The following SLC2A14 variants were observed in gnomAD, a reference collection of about 807,000 sequenced individuals.
The protein encoded by SLC2A14 is solute carrier family 2 member 14.
In SLC2A14, 13 loss-of-function variants were observed where a neutral mutation model predicts 43.0. The observed-to-expected ratio is 0.30, with a 90% CI of 0.20 to 0.48. The LOEUF (loss-of-function observed/expected upper bound fraction) is 0.48, where lower values mean the gene tolerates loss of function less well. SLC2A14 is among the 20% of genes least tolerant of loss of function. The pLI is 0.99. For synonymous variants in SLC2A14, 190 were observed against 233.8 expected (o/e 0.81, Z 1.71); for missense variants, 428 against 620.4 (o/e 0.69, Z 3.29).
At chr12:7,840,525 A>G (rs1349271274) in intron 2 of SLC2A14, among the ~76,000 whole-genome samples, 3 of 150,886 alleles carry the variant, frequency 2.0e-5, no homozygotes, top group African/African-American at 4.9e-5. Context: ...GACTACAGGC[A>G]CCCGCCACCA....
At chr12:7,867,201 C>T (rs1032822546) in intron 2 of SLC2A14, among the ~76,000 whole-genome samples, 1 of 144,360 alleles carries the variant, frequency 6.9e-6, no homozygotes, top group African/African-American at 2.6e-5. Flanking sequence ...ATGGCTTGAA[C>T]CCAGGAGGCG....
At chr12:7,874,161 C>T (rs1205735260), upstream of SLC2A14, among the ~76,000 whole-genome samples, 1 of 152,014 alleles carries the variant, frequency 6.6e-6, no homozygotes, top group Non-Finnish European at 1.5e-5. Flanking sequence ...GAAGTGAATG[C>T]CAAACCTGGG....
intron 2 of SLC2A14, among the ~76,000 whole-genome samples, chr12:7,837,638 C>CCAAAAAAAAAA (rs1415686871): frequency 1.9e-5 from 1 of 52,892 alleles, no homozygotes; most frequent in African/African-American, 8.8e-5. Context: ...AACTTCGTCT[C>CCAAAAAAAAAA]AAAAAAAAAA....
intron 6 of SLC2A14, 69 bp downstream of exon 6, chr12:7,828,635 C>T (rs1864710813): frequency 6.7e-7 from 1 of 1,496,868 alleles, no homozygotes; most frequent in South Asian, 1.2e-5. Context: ...GAAAATAGAT[C>T]CAGTACCCTC....
At chr12:7,844,661 C>T (rs1321225267) in intron 2 of SLC2A14, among the ~76,000 whole-genome samples, 3 of 151,802 alleles carry the variant, frequency 2.0e-5, no homozygotes, top group South Asian at 4.1e-4. Context: ...CTCAGCCTCC[C>T]GAGTAGCTGG....
Position 7,814,197 on chromosome 12 carries a change from A to G in SLC2A14, c.*119T>C. 6.6e-7 allele frequency: 1 copy of G among 1,504,222 alleles called. No homozygotes were observed. Among genetic ancestry groups the G allele is most frequent in the Non-Finnish European group, 9.0e-7 (1 of 1,116,650 alleles). The allele number at this position is 1,504,222 out of a possible 1,614,324, so 93.2% of individuals were successfully genotyped here. Reference sequence around the variant, plus strand: ...GGGTGCTCATGGAGTGCGTGGGATGAGAAAGAAATCAAGTAGCAGCATTCA... The same window carrying G: ...GGGTGCTCATGGAGTGCGTGGGATGGGAAAGAAATCAAGTAGCAGCATTCA... On this transcript the variant is annotated 3_prime_UTR_variant, in exon 11 of 11. Transcript: ENST00000431042.
At chr12:7,848,628 T>C (rs1156326588) in intron 2 of SLC2A14, among the ~76,000 whole-genome samples, 1 of 151,550 alleles carries the variant, frequency 6.6e-6, no homozygotes, top group Non-Finnish European at 1.5e-5. Flanking sequence ...CAGTCTCAGC[T>C]CACCGCAACC....
In SLC2A14 at chr12:7,831,562, A is replaced by T. The variant is rs1224335850; in HGVS notation, c.272+42T>A. On this transcript the variant is annotated intron_variant, in intron 4 of 10. Transcript: ENST00000431042. ...AACTCTCCACACTTGTCCCCAATGCATCTGGTAGAGCCCACTTCCTTGCCC... is the reference window on the plus strand; with the variant it reads ...AACTCTCCACACTTGTCCCCAATGCTTCTGGTAGAGCCCACTTCCTTGCCC... The T allele has an allele frequency of 2.5e-6, 4 of 1,611,412 alleles. No homozygotes were observed. The East Asian group carries it at 8.9e-5, about 36-fold the overall frequency.
At chr12:7,868,212 G>T (rs1022351164) in intron 2 of SLC2A14, among the ~76,000 whole-genome samples, 8 of 152,164 alleles carry the variant, frequency 5.3e-5, no homozygotes, top group Admixed American at 1.3e-4. Context: ...GAGGCAAAAA[G>T]ATTATGACAT....
chr12:7,822,481 C>T (rs906804601), intron 7 of SLC2A14, among the ~76,000 whole-genome samples: 11 of 151,526 alleles, frequency 7.3e-5, no homozygotes, highest in Non-Finnish European at 1.2e-4. Context: ...TCCTGGCTAA[C>T]GTGGTGAAAC....
chr12:7,849,190 G>A (rs1866717508), intron 2 of SLC2A14, among the ~76,000 whole-genome samples: 1 of 152,060 alleles, frequency 6.6e-6, no homozygotes, highest in Admixed American at 6.6e-5. Context: ...CAATCTTCGG[G>A]CAAGATAACA....
chr12:7,863,170 G>A (rs762509178), intron 2 of SLC2A14, among the ~76,000 whole-genome samples: 35 of 152,124 alleles, frequency 2.3e-4, no homozygotes, highest in African/African-American at 7.7e-4. Flanking sequence ...TGAGCCCAGC[G>A]AGACTACGAG....
At position 7,869,928 on chromosome 12, in the gene SLC2A14, G is replaced by A. The variant is rs1443467592; in HGVS notation, c.-48C>T. 8.5e-6 allele frequency: 13 copies of A among 1,523,472 alleles called. No homozygotes were observed. The highest frequency in any genetic ancestry group is 3.6e-5 in the South Asian group (3 of 83,008). 94.4% of individuals were successfully genotyped at this position (1,523,472 alleles called of 1,614,324 possible). On this transcript the variant is annotated 5_prime_UTR_variant, in exon 2 of 11. Transcript: ENST00000431042. ...ACTCCCTCTCCAATTTCTCTTCAAG[G>A]TACTGCTTCCTGTAAATTGTAATTG...
chr12:7,881,145 C>G (rs1000394370), intron 1 of SLC2A14, among the ~76,000 whole-genome samples: 5 of 152,136 alleles, frequency 3.3e-5, no homozygotes, highest in Non-Finnish European at 7.4e-5. Flanking sequence ...CGCTCGCTCT[C>G]GGCACTTCCT....
chr12:7,882,472 A>C (rs938608541), intron 1 of SLC2A14, among the ~76,000 whole-genome samples: 1 of 152,102 alleles, frequency 6.6e-6, no homozygotes, highest in East Asian at 1.9e-4. Flanking sequence ...AATTCCTGAC[A>C]CAGCGCCCCT....
At chr12:7,869,627 T>C (rs998048691) in intron 2 of SLC2A14, among the ~76,000 whole-genome samples, 7 of 152,176 alleles carry the variant, frequency 4.6e-5, no homozygotes, top group African/African-American at 1.7e-4. Context: ...ATCATTCGTC[T>C]TGTTCTTGAT....
chr12:7,877,005 CTTTT>C (rs57906469), upstream of SLC2A14, among the ~76,000 whole-genome samples: 1 of 132,924 alleles, frequency 7.5e-6, no homozygotes, highest in Admixed American at 7.7e-5. Context: ...AATTTTTTTT[CTTTT>C]TTTTTTTTTT....
intron 7 of SLC2A14, among the ~76,000 whole-genome samples, chr12:7,826,848 T>TCCTC: frequency 9.7e-5 from 1 of 10,354 alleles, no homozygotes; most frequent in Non-Finnish European, 3.4e-4. Flanking sequence ...CTTCCTTCCT[T>TCCTC]CCTTCCTTTC....
At chr12:7,818,058 G>T in intron 9 of SLC2A14, 24 bp from the exon 10 acceptor site, 1 of 1,603,360 alleles carries the variant, frequency 6.2e-7, no homozygotes, top group Non-Finnish European at 8.5e-7. Context: ...GAACACAGAA[G>T]ATTAAATTTA....
Sources: allele counts gnomAD v4.1 joint callset (sites outside exome capture counted in the v4.1 genomes callset), GRCh38; gene constraint gnomAD v4.1.1; transcripts MANE v1.5; gene names NCBI Gene and HGNC (gene_info 2026-07-23, HGNC 2026-07-21).